REDIC1: variants seen among roughly 807,000 people sequenced by gnomAD.
REDIC1 encodes the protein HEI10 Interacting Protein 1.
At chr12:39,747,453 G>A in the REDIC1 span, among the ~76,000 whole-genome samples, 1 of 152,214 alleles carries the variant, frequency 6.6e-6, no homozygotes, top group Non-Finnish European at 1.5e-5. Context: ...TGTCTGATTG[G>A]TGTACCTGAA....
At chr12:39,756,155 A>G in the REDIC1 span, 1 of 152,018 alleles carries the variant, frequency 6.6e-6, no homozygotes, top group Non-Finnish European at 1.5e-5. Context: ...GACAGAAAAC[A>G]GGATGTAAAA....
chr12:39,811,658 A>T, the REDIC1 span, among the ~76,000 whole-genome samples: 8 of 152,184 alleles, frequency 5.3e-5, no homozygotes, highest in Non-Finnish European at 1.2e-4. Context: ...CTCTATTATT[A>T]GAGGAATATA....
chr12:39,889,529 C>CTTT, the REDIC1 span, among the ~76,000 whole-genome samples: 96 of 119,840 alleles, frequency 8.0e-4, no homozygotes, highest in East Asian at 1.1e-3. Context: ...GGTAAACAAC[C>CTTT]TTTTTTTTTT....
the REDIC1 span, among the ~76,000 whole-genome samples, chr12:39,880,396 A>G: frequency 3.1e-4 from 47 of 152,222 alleles, no homozygotes; most frequent in Admixed American, 7.8e-4. Context: ...TATTTGGTAC[A>G]CTGAGAAATC....
At chr12:39,716,888 T>A in the REDIC1 span, 1 of 1,252,920 alleles carries the variant, frequency 8.0e-7, no homozygotes, top group South Asian at 1.8e-5. Flanking sequence ...TAATAATTAT[T>A]TGTTTTTCTC....
chr12:39,636,178 C>T, the REDIC1 span, among the ~76,000 whole-genome samples: 1 of 152,090 alleles, frequency 6.6e-6, no homozygotes, highest in East Asian at 1.9e-4. Context: ...TTTATGATTA[C>T]AGCTTGTAGC....
At chr12:39,898,700 C>G in the REDIC1 span, among the ~76,000 whole-genome samples, 1 of 152,118 alleles carries the variant, frequency 6.6e-6, no homozygotes, top group Non-Finnish European at 1.5e-5. Context: ...ATTGCAATCT[C>G]CCATTTGACT....
chr12:39,862,824 A>C, the REDIC1 span, among the ~76,000 whole-genome samples: 1 of 152,146 alleles, frequency 6.6e-6, no homozygotes, highest in South Asian at 2.1e-4. Flanking sequence ...GATATTCATC[A>C]CCTCAAGCAA....
chr12:39,636,239 G>C, the REDIC1 span, among the ~76,000 whole-genome samples: 1 of 152,082 alleles, frequency 6.6e-6, no homozygotes, highest in Non-Finnish European at 1.5e-5. Flanking sequence ...CGGTCTCCGA[G>C]AACTTATTTT....
At chr12:39,890,896 C>T in the REDIC1 span, among the ~76,000 whole-genome samples, 3 of 151,954 alleles carry the variant, frequency 2.0e-5, no homozygotes, top group Non-Finnish European at 4.4e-5. Flanking sequence ...AAAAACCTTA[C>T]AAAGTGGTAC....
chr12:39,680,517 A>T, the REDIC1 span, among the ~76,000 whole-genome samples: 1 of 152,260 alleles, frequency 6.6e-6, no homozygotes, highest in Non-Finnish European at 1.5e-5. Flanking sequence ...GAATACTTTT[A>T]CACTGCTGGT....
the REDIC1 span, among the ~76,000 whole-genome samples, chr12:39,686,594 C>T: frequency 6.6e-6 from 1 of 152,196 alleles, no homozygotes. Context: ...GAGGGGCTGT[C>T]ATGAAGTTCT....
the REDIC1 span, among the ~76,000 whole-genome samples, chr12:39,686,352 C>G: frequency 6.6e-6 from 1 of 152,276 alleles, no homozygotes; most frequent in South Asian, 2.1e-4. Flanking sequence ...CAAGGCTTAA[C>G]TTTTACACTC....
chr12:39,751,911 G>T, the REDIC1 span, among the ~76,000 whole-genome samples: 33 of 152,192 alleles, frequency 2.2e-4, no homozygotes, highest in Non-Finnish European at 3.5e-4. Context: ...GTGGGATGGG[G>T]AGAAGGGGGA....
At chr12:39,749,605 G>C in the REDIC1 span, among the ~76,000 whole-genome samples, 1 of 152,138 alleles carries the variant, frequency 6.6e-6, no homozygotes, top group Non-Finnish European at 1.5e-5. Flanking sequence ...AAGCCTGGCA[G>C]AGACACAACA....
At chr12:39,690,107 GA>G in the REDIC1 span, among the ~76,000 whole-genome samples, 11 of 152,262 alleles carry the variant, frequency 7.2e-5, no homozygotes, top group South Asian at 4.1e-4. Context: ...CAATGGGATG[GA>G]ATGAAGGGGT....
At chr12:39,630,325 T>A in the REDIC1 span, among the ~76,000 whole-genome samples, 1 of 152,148 alleles carries the variant, frequency 6.6e-6, no homozygotes, top group African/African-American at 2.4e-5. Context: ...CAGTATAAGA[T>A]TTTTTTAAAT....
chr12:39,882,279 C>T, the REDIC1 span, among the ~76,000 whole-genome samples: 1 of 152,172 alleles, frequency 6.6e-6, no homozygotes, highest in Admixed American at 6.5e-5. Context: ...ATTTCTGATT[C>T]AGTAGGTCTA....
At chr12:39,864,915 G>A in the REDIC1 span, 5,806 of 1,583,396 alleles carry the variant, frequency 3.7e-3, 163 homozygotes, top group African/African-American at 0.066. Context: ...TTAGAGAAGA[G>A]TTGACAATAT....
Sources: gnomAD v4.1 joint callset for allele counts (sites outside exome capture counted in the v4.1 genomes callset) on GRCh38, gnomAD v4.1.1 for gene constraint, MANE v1.5 for transcripts, NCBI Gene and HGNC (gene_info 2026-07-23, HGNC 2026-07-21) for gene names.